KCNIP4: variants seen among roughly 807,000 people sequenced by gnomAD.
KCNIP4 encodes potassium voltage-gated channel interacting protein 4, also known as Kv channel-interacting protein 4.
In KCNIP4, 12 loss-of-function variants were observed where a neutral mutation model predicts 34.0. The ratio of observed to expected loss-of-function variants is 0.35; its 90% CI spans 0.23 to 0.57. The LOEUF is 0.57. Ranked by LOEUF, KCNIP4 falls within the 20% of genes least tolerant of loss-of-function variation. The probability of loss-of-function intolerance (pLI) is 0.83; values close to 1 mark genes in which losing one functional copy is unlikely to be tolerated. For synonymous variants in KCNIP4, 124 were observed against 102.2 expected (o/e 1.21, Z -1.29); for missense variants, 238 against 311.7 (o/e 0.76, Z 1.78).
intron 1 of KCNIP4, among the ~76,000 whole-genome samples, chr4:21,587,904 T>C (rs1274642736): frequency 6.6e-6 from 1 of 152,042 alleles, no homozygotes; most frequent in African/African-American, 2.4e-5. Flanking sequence ...CCAATGTTTA[T>C]TTGAGCACCT....
chr4:20,880,081 A>G (rs1039681078), intron 2 of KCNIP4, among the ~76,000 whole-genome samples: 2 of 152,248 alleles, frequency 1.3e-5, no homozygotes, highest in Non-Finnish European at 1.5e-5. Context: ...CAGGGCTGAT[A>G]TTTATGAAAG....
Position 20,986,093 on chromosome 4 carries a change from C to T in KCNIP4, c.62-103384G>A, listed in dbSNP as rs547244950. ...ACATATGGTAGTTGTGGGGTTATGA[C>T]GGAAGTTCCAACTCTTCAGAGGCTC... On this transcript the variant is annotated intron_variant, in intron 1 of 8. Transcript: ENST00000382152. 9.9e-5 allele frequency among the ~76,000 whole-genome samples: 15 copies of T among 152,216 alleles called. 1 individual carries two copies. The South Asian group carries it at 3.1e-3, about 32-fold the overall frequency.
At chr4:20,993,148 T>C (rs1179833650) in intron 1 of KCNIP4, among the ~76,000 whole-genome samples, 1 of 151,828 alleles carries the variant, frequency 6.6e-6, no homozygotes, top group Non-Finnish European at 1.5e-5. Context: ...TCTGAGGTCA[T>C]GGCACAGGAC....
At chr4:21,475,621 G>A (rs1311767745) in intron 1 of KCNIP4, among the ~76,000 whole-genome samples, 1 of 152,046 alleles carries the variant, frequency 6.6e-6, no homozygotes, top group Non-Finnish European at 1.5e-5. Context: ...ACCAGTTCAG[G>A]ATGATGAAAA....
chr4:21,751,915 A>G lies in KCNIP4; in HGVS notation c.61+196656T>C, dbSNP rs16871835. ...AACTCCAAGGAAAAGAAGTTCAAAT[A>G]AAAAGGTAGCAAAACTAATAGAAAC... On this transcript the variant is annotated intron_variant, in intron 1 of 8. Transcript: ENST00000382152. Among the ~76,000 whole-genome samples the G allele has an allele frequency of 5.2e-3, 785 of 152,284 alleles. 5 individuals carry two copies. Among genetic ancestry groups the G allele is most frequent in the African/African-American group, 0.017 (713 of 41,560 alleles).
At chr4:20,923,779 T>C (rs1474250101) in intron 1 of KCNIP4, among the ~76,000 whole-genome samples, 2 of 152,166 alleles carry the variant, frequency 1.3e-5, no homozygotes, top group Non-Finnish European at 2.9e-5. Context: ...TGCTCAAAAA[T>C]GGCTACTGTA....
chr4:20,935,111 A>G (rs1730920967), intron 1 of KCNIP4, among the ~76,000 whole-genome samples: 1 of 152,218 alleles, frequency 6.6e-6, no homozygotes. Flanking sequence ...AACCAAATCC[A>G]ATATGACTTC....
In KCNIP4 at chr4:21,247,922, T is replaced by C. The variant is rs1165959199; in HGVS notation, c.62-365213A>G. Among the ~76,000 whole-genome samples, 976 of 129,182 alleles carry C rather than the reference T, an allele frequency of 7.6e-3. 20 individuals carry two copies. The highest frequency in any genetic ancestry group is 0.029 in the African/African-American group (920 of 32,188). 84.7% of individuals were successfully genotyped at this position (129,182 alleles called of 152,430 possible). ...ATATATATATATACACACACACACATATATATATACACACATATATATATA... is the reference window on the plus strand; with the variant it reads ...ATATATATATATACACACACACACACATATATATACACACATATATATATA... On this transcript the variant is annotated intron_variant, in intron 1 of 8. Coordinates refer to ENST00000382152, the MANE Select transcript of KCNIP4 (RefSeq NM_025221.6).
chr4:21,008,532 G>GTT (rs33988781), intron 1 of KCNIP4, among the ~76,000 whole-genome samples: 36,461 of 150,406 alleles, frequency 0.24, 4,823 homozygotes, highest in African/African-American at 0.35. Flanking sequence ...TTTTGTTTTT[G>GTT]TTTTTTTTTG....
At chr4:21,931,207 A>G (rs1319012677) in intron 1 of KCNIP4, among the ~76,000 whole-genome samples, 2 of 151,388 alleles carry the variant, frequency 1.3e-5, no homozygotes, top group Non-Finnish European at 2.9e-5. Flanking sequence ...ATGCACCTAC[A>G]ATAGGAGCTT....
chr4:20,898,748 T>C (rs1042692825), intron 1 of KCNIP4, among the ~76,000 whole-genome samples: 1 of 152,348 alleles, frequency 6.6e-6, no homozygotes, highest in South Asian at 2.1e-4. Context: ...CTGATCTATC[T>C]ATATTTATGT....
intron 1 of KCNIP4, among the ~76,000 whole-genome samples, chr4:21,252,183 A>G (rs1399751892): frequency 6.9e-6 from 1 of 144,358 alleles, no homozygotes; most frequent in African/African-American, 2.6e-5. Flanking sequence ...GCTGGAGTGC[A>G]GTGGCGCAAT....
intron 1 of KCNIP4, among the ~76,000 whole-genome samples, chr4:21,506,021 T>C (rs554934072): frequency 6.6e-6 from 1 of 152,272 alleles, no homozygotes; most frequent in Non-Finnish European, 1.5e-5. Context: ...GAGAATCAAT[T>C]GAACCTGGGA....
At chr4:20,889,514 C>T (rs987760088) in intron 1 of KCNIP4, among the ~76,000 whole-genome samples, 1 of 152,010 alleles carries the variant, frequency 6.6e-6, no homozygotes, top group African/African-American at 2.4e-5. Context: ...ACTGTATGAA[C>T]TCTACTCTGG....
At chr4:21,831,979 CA>C (rs2109306371) in intron 1 of KCNIP4, among the ~76,000 whole-genome samples, 1 of 152,130 alleles carries the variant, frequency 6.6e-6, no homozygotes, top group African/African-American at 2.4e-5. Flanking sequence ...AACCTAGATG[CA>C]AAAATCCTTA....
At chr4:21,362,949 A>C (rs2109412021) in intron 1 of KCNIP4, among the ~76,000 whole-genome samples, 1 of 152,272 alleles carries the variant, frequency 6.6e-6, no homozygotes, top group South Asian at 2.1e-4. Context: ...CCATATCTCC[A>C]GCTCACCCAT....
intron 1 of KCNIP4, among the ~76,000 whole-genome samples, chr4:21,480,156 C>G (rs1731304654): frequency 6.6e-6 from 1 of 151,682 alleles, no homozygotes; most frequent in Non-Finnish European, 1.5e-5. Context: ...AATTCATAAC[C>G]TATTGCATCC....
chr4:21,027,154 T>G (rs753903934), intron 1 of KCNIP4, among the ~76,000 whole-genome samples: 1 of 152,152 alleles, frequency 6.6e-6, no homozygotes, highest in Non-Finnish European at 1.5e-5. Context: ...TAGACTAAGA[T>G]GTCGGTAATG....
At chr4:20,900,963 C>T (rs1305769112) in intron 1 of KCNIP4, among the ~76,000 whole-genome samples, 2 of 152,182 alleles carry the variant, frequency 1.3e-5, no homozygotes, top group Admixed American at 6.5e-5. Flanking sequence ...TGAGCAAACA[C>T]ATTGAATTCA....
Sources: allele counts gnomAD v4.1 joint callset (sites outside exome capture counted in the v4.1 genomes callset), GRCh38; gene constraint gnomAD v4.1.1; transcripts MANE v1.5; gene names NCBI Gene and HGNC (gene_info 2026-07-23, HGNC 2026-07-21).